The following SLIT3 variants were observed in gnomAD, a reference collection of about 807,000 sequenced individuals.
SLIT3 encodes the protein slit homolog 3 protein.
SLIT3 carries 68 observed loss-of-function variants against 184.0 expected under a neutral mutation model. That is an observed-to-expected ratio of 0.37 (90% confidence interval 0.30 to 0.45). The LOEUF is 0.45. SLIT3 is among the 20% of genes least tolerant of loss of function. The pLI is 1.00. For synonymous variants in SLIT3, 831 were observed against 828.6 expected, an observed-to-expected ratio of 1.00 and a Z score of -0.05; for missense variants, 1,707 against 2,026.0, an observed-to-expected ratio of 0.84 and a Z score of 3.02.
chr5:168,666,535 G>A lies in SLIT3; in HGVS notation c.4491C>T (p.Tyr1497=), dbSNP rs202109860. The A allele has an allele frequency of 5.0e-5, 80 of 1,613,180 alleles. No homozygotes were observed. The highest frequency in any genetic ancestry group is 2.7e-5 in the African/African-American group (2 of 74,926). ...CQPTRSKRRK[Y]VFQCTDGSSF... ...AGGAGCCGTCCGTGCACTGGAAGAC[G>A]TATTTCCGCCGCTTGCTGCGGGTGG... The change falls in exon 36 of 36, where the codon TAC becomes TAT. Residue 1497 remains tyrosine (Y), a synonymous_variant. Transcript: ENST00000519560.
intron 5 of SLIT3, among the ~76,000 whole-genome samples, chr5:168,871,522 C>T (rs952814032): frequency 6.6e-6 from 1 of 151,976 alleles, no homozygotes; most frequent in African/African-American, 2.4e-5. Flanking sequence ...TATACCTAGC[C>T]CATTAGAAGC....
chr5:169,251,027 C>A (rs1220095670), intron 2 of SLIT3, among the ~76,000 whole-genome samples: 3 of 152,192 alleles, frequency 2.0e-5, no homozygotes, highest in Non-Finnish European at 2.9e-5. Context: ...GTCCTGATTG[C>A]TCTTTTAATG....
chr5:169,054,789 G>A (rs745457295), intron 4 of SLIT3, among the ~76,000 whole-genome samples: 4 of 152,142 alleles, frequency 2.6e-5, no homozygotes, highest in Non-Finnish European at 5.9e-5. Flanking sequence ...TCAAGCCCCT[G>A]TTTGCCTAAC....
intron 8 of SLIT3, among the ~76,000 whole-genome samples, chr5:168,810,288 G>A (rs551554173): frequency 6.6e-6 from 1 of 152,334 alleles, no homozygotes; most frequent in Non-Finnish European, 1.5e-5. Flanking sequence ...CTGTCTGCAT[G>A]CACATGTGTG....
intron 5 of SLIT3, among the ~76,000 whole-genome samples, chr5:168,852,988 C>T (rs936951818): frequency 6.6e-6 from 1 of 152,204 alleles, no homozygotes; most frequent in Non-Finnish European, 1.5e-5. Context: ...TCTCCTTCAG[C>T]TCTGAAGTTA....
chr5:168,934,389 G>T (rs1762086553), intron 4 of SLIT3, among the ~76,000 whole-genome samples: 1 of 152,170 alleles, frequency 6.6e-6, no homozygotes, highest in South Asian at 2.1e-4. Flanking sequence ...CATTTTCTCT[G>T]CAGGGGGTGG....
intron 20 of SLIT3, among the ~76,000 whole-genome samples, chr5:168,725,011 G>A (rs1217266464): frequency 6.6e-6 from 1 of 152,158 alleles, no homozygotes; most frequent in East Asian, 1.9e-4. Context: ...ACTGAGCCAG[G>A]CATGATTAAG....
intron 4 of SLIT3, among the ~76,000 whole-genome samples, chr5:169,065,648 T>C (rs547706405): frequency 6.6e-6 from 1 of 152,326 alleles, no homozygotes; most frequent in East Asian, 1.9e-4. Flanking sequence ...AAAGGCATCC[T>C]TGGGTCCTGG....
intron 1 of SLIT3, chr5:169,263,508 A>G: frequency 7.5e-6 from 3 of 402,674 alleles, no homozygotes; most frequent in Non-Finnish European, 1.5e-5. Flanking sequence ...TTTCAGAAGG[A>G]GCCTGGCCCT....
intron 3 of SLIT3, among the ~76,000 whole-genome samples, chr5:169,207,466 C>A (rs1468922212): frequency 6.6e-6 from 1 of 150,622 alleles, no homozygotes; most frequent in African/African-American, 2.4e-5. Context: ...CAAGTTAGAG[C>A]CAGTATAGGA....
chr5:169,047,821 A>G (rs990256196), intron 4 of SLIT3, among the ~76,000 whole-genome samples: 4 of 151,978 alleles, frequency 2.6e-5, no homozygotes, highest in Admixed American at 6.6e-5. Flanking sequence ...CTGTAGGTCT[A>G]TGAGGGTCCT....
At chr5:169,145,296 T>A (rs1033981837) in intron 4 of SLIT3, among the ~76,000 whole-genome samples, 3 of 152,138 alleles carry the variant, frequency 2.0e-5, no homozygotes, top group Admixed American at 2.0e-4. Context: ...CACAATTTAT[T>A]ATTGCTCGAT....
chr5:168,934,265 G>C (rs1282458577), intron 4 of SLIT3, among the ~76,000 whole-genome samples: 12 of 152,244 alleles, frequency 7.9e-5, no homozygotes, highest in Admixed American at 7.8e-4. Context: ...TGAGGGAAGA[G>C]ACTGGAGAGC....
chr5:168,834,173 GTA>G (rs1288997252), intron 6 of SLIT3, among the ~76,000 whole-genome samples: 17 of 152,162 alleles, frequency 1.1e-4, no homozygotes, highest in Non-Finnish European at 7.3e-5. Context: ...CGCATCTCTA[GTA>G]TACCTGTGGA....
intron 4 of SLIT3, among the ~76,000 whole-genome samples, chr5:168,884,872 G>C (rs1342921477): frequency 6.6e-6 from 1 of 151,886 alleles, no homozygotes; most frequent in African/African-American, 2.4e-5. Flanking sequence ...AGAACTTGCT[G>C]GTCACAGGTT....
rs111732779 is a variant in SLIT3 at position 169,182,345 on chromosome 5, A to T, written c.413+11134T>A. Among the ~76,000 whole-genome samples the T allele has an allele frequency of 8.4e-3, 1,285 of 152,366 alleles. 16 individuals are homozygous for T. Among genetic ancestry groups the T allele is most frequent in the African/African-American group, 0.027 (1,109 of 41,584 alleles). Reference sequence around the variant, plus strand: ...GGTTTGGACAGTGCTGTGTTATCATAGCTTTGCTGTTGTTAATATTGTATC... The same window carrying T: ...GGTTTGGACAGTGCTGTGTTATCATTGCTTTGCTGTTGTTAATATTGTATC... On this transcript the variant is annotated intron_variant, in intron 4 of 35. Transcript: ENST00000519560.
intron 4 of SLIT3, among the ~76,000 whole-genome samples, chr5:168,889,879 C>T (rs181085161): frequency 1.3e-5 from 2 of 152,296 alleles, no homozygotes; most frequent in South Asian, 2.1e-4. Flanking sequence ...GGTGGCCGCT[C>T]ATGCCTGTAA....
Position 169,251,472 on chromosome 5 carries a change from G to C in SLIT3, c.198-13C>G. The C allele has an allele frequency of 6.3e-7, 1 of 1,589,422 alleles. No individual in the cohort carries two copies. The highest frequency in any genetic ancestry group is 8.6e-7 in the Non-Finnish European group (1 of 1,157,622). ...TCTGTCCAGGTCACTGCAATGGAGA[G>C]CAAATTCAGGTCAGATTTTTGTGGG... On this transcript the variant is annotated splice_polypyrimidine_tract_variant and intron_variant, in intron 1 of 35. Transcript: ENST00000519560.
chr5:169,003,990 C>T (rs1317155118), intron 4 of SLIT3, among the ~76,000 whole-genome samples: 1 of 152,166 alleles, frequency 6.6e-6, no homozygotes, highest in Non-Finnish European at 1.5e-5. Flanking sequence ...CTGATTCTCA[C>T]GTTAGGAAAA....
Sources: gnomAD v4.1 joint callset for allele counts (sites outside exome capture counted in the v4.1 genomes callset) on GRCh38, gnomAD v4.1.1 for gene constraint, MANE v1.5 for transcripts, NCBI Gene and HGNC (gene_info 2026-07-23, HGNC 2026-07-21) for gene names.